The following TRIM37 variants were observed in gnomAD, a reference collection of about 807,000 sequenced individuals.
TRIM37 encodes the protein E3 ubiquitin-protein ligase TRIM37.
Under a neutral mutation model 129.8 loss-of-function variants are expected in TRIM37, and 80 were observed. The observed-to-expected ratio is 0.62, with a 90% CI of 0.51 to 0.74. The LOEUF is 0.74. TRIM37 is among the 30% of genes least tolerant of loss of function. The probability of loss-of-function intolerance (pLI) is 0.00; values close to 1 mark genes in which losing one functional copy is unlikely to be tolerated. For missense variants in TRIM37, 1,054 were observed against 1,176.5 expected, an observed-to-expected ratio of 0.90 and a Z score of 1.52; for synonymous variants, 389 against 387.1, an observed-to-expected ratio of 1.00 and a Z score of -0.06.
At chr17:59,040,143 C>T (rs1452734630) in intron 17 of TRIM37, among the ~76,000 whole-genome samples, 1 of 151,858 alleles carries the variant, frequency 6.6e-6, no homozygotes, top group Non-Finnish European at 1.5e-5. Flanking sequence ...TGGACTCAAG[C>T]GATGCACCCA....
intron 24 of TRIM37, among the ~76,000 whole-genome samples, chr17:58,986,147 A>G (rs922552699): frequency 1.3e-5 from 2 of 152,058 alleles, no homozygotes; most frequent in Non-Finnish European, 2.9e-5. Flanking sequence ...GACAAGCTGC[A>G]TAACTGAGCA....
chr17:59,004,318 AG>A (rs1300229021), intron 22 of TRIM37, among the ~76,000 whole-genome samples: 4 of 129,098 alleles, frequency 3.1e-5, no homozygotes, highest in Admixed American at 8.7e-5. Flanking sequence ...TGACTATAGC[AG>A]TGCTTAAAAG....
At chr17:59,101,996 G>A (rs2045558884) in intron 2 of TRIM37, among the ~76,000 whole-genome samples, 2 of 151,836 alleles carry the variant, frequency 1.3e-5, no homozygotes, top group Non-Finnish European at 2.9e-5. Flanking sequence ...TCCAGTTTGA[G>A]TGACTAGCAG....
chr17:59,020,230 C>CAAAAAAAAAA (rs58159558), intron 19 of TRIM37, among the ~76,000 whole-genome samples: 1 of 32,056 alleles, frequency 3.1e-5, no homozygotes, highest in Admixed American at 6.0e-4. Context: ...GACTCTGTCT[C>CAAAAAAAAAA]AAAAAAAAAA....
At chr17:59,084,529 T>A (rs2043584278) in intron 4 of TRIM37, among the ~76,000 whole-genome samples, 1 of 152,206 alleles carries the variant, frequency 6.6e-6, no homozygotes, top group Admixed American at 6.5e-5. Context: ...CACGATTTAA[T>A]ACTAGACCCT....
intron 17 of TRIM37, among the ~76,000 whole-genome samples, chr17:59,040,608 A>C (rs1266326006): frequency 6.6e-6 from 1 of 152,180 alleles, no homozygotes; most frequent in Non-Finnish European, 1.5e-5. Context: ...TTGAAAAGTA[A>C]TCAGCATATA....
At chr17:59,001,199 CAAAAA>C (rs537326649) in intron 23 of TRIM37, among the ~76,000 whole-genome samples, 1 of 57,456 alleles carries the variant, frequency 1.7e-5, no homozygotes, top group Non-Finnish European at 3.6e-5. Flanking sequence ...CATCTCGGGG[CAAAAA>C]AAAAAAAAAA....
chr17:59,005,224 A>G (rs2034319959), intron 22 of TRIM37, among the ~76,000 whole-genome samples: 1 of 152,210 alleles, frequency 6.6e-6, no homozygotes, highest in African/African-American at 2.4e-5. Context: ...GAATTCCCCA[A>G]ATCTACATTA....
exon 25 of TRIM37, chr17:58,982,753 C>G: frequency 1.8e-6 from 1 of 568,298 alleles, no homozygotes; most frequent in Non-Finnish European, 3.1e-6. Flanking sequence ...CTTCTCACGT[C>G]TGTGACAAAT....
rs1464361969 is a variant in TRIM37, at chr17:59,106,593, C to T, written c.-132G>A. ...GCCCACGTCAGGGGGCTCTGACAAC[C>T]GCCCCACCTGCGCGCCCCATCTCTT... On this transcript the variant is annotated 5_prime_UTR_variant, in exon 1 of 24. Coordinates refer to ENST00000262294, the MANE Select transcript of TRIM37 (RefSeq NM_015294.6). The T allele has an allele frequency of 1.9e-6, 2 of 1,065,366 alleles. No homozygotes were observed. Among genetic ancestry groups the T allele is most frequent in the Admixed American group, 2.0e-5 (1 of 49,654 alleles). The allele number at this position is 1,065,366 out of a possible 1,614,324, so 66.0% of individuals were successfully genotyped here. A position where few individuals can be genotyped will look rare whatever the true frequency, so the allele number is the denominator to read the frequency against.
chr17:59,015,561 A>G (rs376841949), intron 21 of TRIM37, 49 bp downstream of exon 21: 44 of 1,582,854 alleles, frequency 2.8e-5, no homozygotes, highest in South Asian at 1.5e-4. Flanking sequence ...AGTTCCAAAC[A>G]AAGCTATTAG....
chr17:59,007,905 G>T (rs2034750023), intron 22 of TRIM37, among the ~76,000 whole-genome samples: 1 of 152,154 alleles, frequency 6.6e-6, no homozygotes, highest in South Asian at 2.1e-4. Flanking sequence ...ACCCCACAGT[G>T]ATATGACACC....
intron 22 of TRIM37, among the ~76,000 whole-genome samples, chr17:59,008,368 T>C (rs1304501458): frequency 2.0e-5 from 3 of 152,204 alleles, no homozygotes; most frequent in Non-Finnish European, 4.4e-5. Flanking sequence ...CACTGACCAT[T>C]TAACTCTAAA....
intron 5 of TRIM37, among the ~76,000 whole-genome samples, chr17:59,083,597 A>T (rs2043497744): frequency 6.6e-6 from 1 of 152,294 alleles, no homozygotes; most frequent in Admixed American, 6.5e-5. Flanking sequence ...AAAATAAAAA[A>T]TAATTATAAG....
chr17:59,004,923 C>CA (rs895616086), intron 22 of TRIM37, among the ~76,000 whole-genome samples: 3 of 151,092 alleles, frequency 2.0e-5, no homozygotes, highest in Admixed American at 1.3e-4. Flanking sequence ...TTCAGCAAAA[C>CA]AAAAAAACAA....
At position 59,012,308 on chromosome 17, in the gene TRIM37, A is replaced by G. The variant is rs576612264; in HGVS notation, c.2695+20T>C. 6.5e-6 allele frequency: 10 copies of G among 1,532,858 alleles called. No homozygotes were observed. In the Admixed American group the frequency reaches 1.2e-4, roughly 18 times the overall value. The allele number at this position is 1,532,858 out of a possible 1,614,324, so 95.0% of individuals were successfully genotyped here. A position where few individuals can be genotyped will look rare whatever the true frequency, so the allele number is the denominator to read the frequency against. ...CAGAATTCTCATTTCCTGCTTACTTATAAGTTTATCATTCCTTACCTTCTT... is the reference window on the plus strand; with the variant it reads ...CAGAATTCTCATTTCCTGCTTACTTGTAAGTTTATCATTCCTTACCTTCTT... On this transcript the variant is annotated intron_variant, in intron 22 of 23. Coordinates refer to ENST00000262294, the MANE Select transcript of TRIM37 (RefSeq NM_015294.6).
chr17:59,064,456 C>T, intron 9 of TRIM37, 51 bp from the exon 10 acceptor site: 2 of 1,449,932 alleles, frequency 1.4e-6, no homozygotes, highest in Non-Finnish European at 1.9e-6. Context: ...TTTAAAATTC[C>T]ATTTGCCTAA....
chr17:59,094,489 T>C (rs1327821882), intron 2 of TRIM37, among the ~76,000 whole-genome samples: 2 of 152,274 alleles, frequency 1.3e-5, no homozygotes, highest in East Asian at 3.9e-4. Context: ...CCACATGACA[T>C]TGGACAAGTG....
chr17:59,046,500 C>T (rs375128823), intron 16 of TRIM37, among the ~76,000 whole-genome samples: 1 of 151,968 alleles, frequency 6.6e-6, no homozygotes, highest in East Asian at 1.9e-4. Flanking sequence ...ACAAAATAAA[C>T]TATTCTGTAT....
Sources: allele counts gnomAD v4.1 joint callset (sites outside exome capture counted in the v4.1 genomes callset), GRCh38; gene constraint gnomAD v4.1.1; transcripts MANE v1.5; gene names NCBI Gene and HGNC (gene_info 2026-07-23, HGNC 2026-07-21).